IL17RD: variants seen among roughly 807,000 people sequenced by gnomAD.
IL17RD encodes the protein interleukin 17 receptor D, also known as interleukin-17 receptor D.
Under a neutral mutation model 80.5 loss-of-function variants are expected in IL17RD, and 52 were observed. That is an observed-to-expected ratio of 0.65 (90% CI 0.52 to 0.81). The LOEUF (loss-of-function observed/expected upper bound fraction) is 0.81. Ranked by LOEUF, IL17RD falls within the 40% of genes least tolerant of loss-of-function variation. The pLI is 0.00. For missense variants in IL17RD, 1,024 were observed against 955.1 expected (o/e 1.07, Z -0.95); for synonymous variants, 416 against 391.8 (o/e 1.06, Z -0.73).
chr3:57,113,171 C>T (rs74764254), intron 3 of IL17RD, among the ~76,000 whole-genome samples: 1 of 152,130 alleles, frequency 6.6e-6, no homozygotes, highest in Non-Finnish European at 1.5e-5. Flanking sequence ...CAGATTTAGC[C>T]CCAACCCGAA....
At chr3:57,134,423 G>A (rs1209023024) in intron 1 of IL17RD, 3 of 743,888 alleles carry the variant, frequency 4.0e-6, no homozygotes, top group Non-Finnish European at 7.3e-6. Context: ...TAACTTGGAT[G>A]AGGAGAATGC....
rs1290143181 is a variant in IL17RD at position 57,127,209 on chromosome 3, AAAATATATAT to A, written c.127-6906_127-6897del. The stretch of plus-strand genomic sequence containing the variant: ...ATATATATATATATAAATATATATA[AAAATATATAT>A]AAATATATATAAAAATATATAAATA... On this transcript the variant is annotated intron_variant, in intron 1 of 12. Transcript: ENST00000296318. Among the ~76,000 whole-genome samples, 118 of 102,910 alleles carry A rather than the reference AAAATATATAT, an allele frequency of 1.1e-3. 3 individuals are homozygous for A. The highest frequency in any genetic ancestry group is 3.8e-3 in the South Asian group (15 of 3,974). 67.5% of individuals were successfully genotyped at this position (102,910 alleles called of 152,430 possible).
intron 10 of IL17RD, among the ~76,000 whole-genome samples, chr3:57,101,607 G>GCA (rs1304198282): frequency 1.3e-5 from 2 of 152,218 alleles, no homozygotes; most frequent in Non-Finnish European, 2.9e-5. Context: ...AAGAAATGCT[G>GCA]CAGGGGTCAC....
intron 1 of IL17RD, among the ~76,000 whole-genome samples, chr3:57,122,701 C>T (rs1159330982): frequency 2.7e-5 from 4 of 150,390 alleles, no homozygotes; most frequent in East Asian, 1.9e-4. Context: ...GGTTGGGGAC[C>T]GCTGCTCTAC....
Position 57,133,776 on chromosome 3 carries a change from T to C in IL17RD, c.127-13463A>G, listed in dbSNP as rs1707662533. Reference sequence around the variant, plus strand: ...AGATGGAACAGCAGGTAGGAGCATATTTCCACCCCTGATGAAGTGGGCCTG... The same window carrying C: ...AGATGGAACAGCAGGTAGGAGCATACTTCCACCCCTGATGAAGTGGGCCTG... On this transcript the variant is annotated intron_variant, in intron 1 of 12. Coordinates refer to ENST00000296318, the MANE Select transcript of IL17RD (RefSeq NM_017563.5). 2.0e-5 allele frequency among the ~76,000 whole-genome samples: 3 copies of C among 152,100 alleles called. No individual in the cohort carries two copies. The South Asian group carries it at 6.2e-4, about 31-fold the overall frequency.
At chr3:57,101,141 C>T (rs755284834) in intron 11 of IL17RD, 38 bp downstream of exon 11, 7 of 1,572,430 alleles carry the variant, frequency 4.5e-6, no homozygotes, top group Non-Finnish European at 6.1e-6. Flanking sequence ...GGGCAAGTGT[C>T]CTGGCCAGGG....
At chr3:57,113,282 G>A (rs889260498) in intron 3 of IL17RD, among the ~76,000 whole-genome samples, 3 of 152,102 alleles carry the variant, frequency 2.0e-5, no homozygotes, top group African/African-American at 7.2e-5. Flanking sequence ...TTGTTGTCCA[G>A]GCTGGAGCGC....
chr3:57,121,658 A>G (rs1559474605), intron 1 of IL17RD, among the ~76,000 whole-genome samples: 1 of 152,120 alleles, frequency 6.6e-6, no homozygotes, highest in Non-Finnish European at 1.5e-5. Flanking sequence ...CACCTGAACT[A>G]AAACACTTTG....
At chr3:57,096,686 A>G (rs914383545) in intron 12 of IL17RD, among the ~76,000 whole-genome samples, 181 bp from the exon 13 acceptor site, 7 of 152,158 alleles carry the variant, frequency 4.6e-5, no homozygotes, top group African/African-American at 1.7e-4. Flanking sequence ...TAGTTCCCTT[A>G]GTTGAGGAAG....
intron 2 of IL17RD, 40 bp from the exon 3 acceptor site, chr3:57,114,857 T>G: frequency 6.8e-7 from 1 of 1,470,224 alleles, no homozygotes; most frequent in Non-Finnish European, 9.1e-7. Flanking sequence ...AATTTAAAAT[T>G]TCATTTTTAT....
intron 3 of IL17RD, among the ~76,000 whole-genome samples, chr3:57,114,087 G>C (rs572429651): frequency 9.2e-5 from 14 of 151,860 alleles, no homozygotes; most frequent in African/African-American, 3.4e-4. Flanking sequence ...GGGCAGCTGA[G>C]GCAGGAGAAT....
At chr3:57,165,034 C>T in intron 1 of IL17RD, 127 bp downstream of exon 1, 1 of 1,356,102 alleles carries the variant, frequency 7.4e-7, no homozygotes, top group Non-Finnish European at 9.4e-7. Context: ...AGGAGTGAGA[C>T]CCAGGCCGGC....
In IL17RD at chr3:57,097,677, G is replaced by C; in HGVS notation, c.2026C>G (p.Leu676Val). The C allele has an allele frequency of 1.9e-6, 3 of 1,605,786 alleles. No individual in the cohort carries two copies. Among genetic ancestry groups the C allele is most frequent in the Non-Finnish European group, 2.5e-6 (3 of 1,176,510 alleles). Reference sequence around the variant, plus strand: ...GTCGAGAGTCCTTCCATCAGTGGCAGAGACAGCTCGGATGAGGGCACAGAC... The same window carrying C: ...GTCGAGAGTCCTTCCATCAGTGGCACAGACAGCTCGGATGAGGGCACAGAC... ...DSSVPSSELS[L>V]PLMEGLSTDQ... The change falls in exon 12 of 13, where the codon CTG becomes GTG. Residue 676 changes from leucine (L) to valine (V), a missense_variant. Physicochemically the swap from Leu to Val is conservative, Grantham distance 32. Transcript: ENST00000296318.
At chr3:57,146,061 T>C (rs759042119) in intron 1 of IL17RD, among the ~76,000 whole-genome samples, 1 of 146,222 alleles carries the variant, frequency 6.8e-6, no homozygotes, top group African/African-American at 2.5e-5. Context: ...ACACACACAC[T>C]GATGCATGCA....
At chr3:57,149,050 G>A (rs532068262) in intron 1 of IL17RD, among the ~76,000 whole-genome samples, 15 of 152,252 alleles carry the variant, frequency 9.9e-5, no homozygotes, top group South Asian at 4.1e-4. Context: ...GGTGGCTCAC[G>A]CCTGTAGTCC....
At chr3:57,127,231 A>T (rs1443018323) in intron 1 of IL17RD, among the ~76,000 whole-genome samples, 14 of 103,796 alleles carry the variant, frequency 1.3e-4, no homozygotes, top group Admixed American at 3.7e-4. Flanking sequence ...AATATATATA[A>T]AAATATATAA....
intron 1 of IL17RD, among the ~76,000 whole-genome samples, chr3:57,140,774 C>A (rs1429839944): frequency 6.6e-6 from 1 of 152,136 alleles, no homozygotes; most frequent in East Asian, 1.9e-4. Context: ...TATTTCCAGA[C>A]ACCCAGAACA....
chr3:57,166,925 G>A (rs1579332307), upstream of IL17RD, among the ~76,000 whole-genome samples: 2 of 152,154 alleles, frequency 1.3e-5, no homozygotes, highest in Non-Finnish European at 1.5e-5. Flanking sequence ...CTTGTGGCTT[G>A]TGTCTCCACC....
At chr3:57,099,824 A>G (rs2107466455) in intron 11 of IL17RD, among the ~76,000 whole-genome samples, 1 of 152,326 alleles carries the variant, frequency 6.6e-6, no homozygotes, top group East Asian at 1.9e-4. Context: ...GCAAATCAAT[A>G]TGGAGGATCA....
Sources: allele counts gnomAD v4.1 joint callset (sites outside exome capture counted in the v4.1 genomes callset), GRCh38; gene constraint gnomAD v4.1.1; transcripts MANE v1.5; gene names NCBI Gene and HGNC (gene_info 2026-07-23, HGNC 2026-07-21).